ASXL3: variants seen among roughly 807,000 people sequenced by gnomAD.
The protein encoded by ASXL3 is ASXL transcriptional regulator 3, also known as putative Polycomb group protein ASXL3.
Under a neutral mutation model 170.6 loss-of-function variants are expected in ASXL3, and 34 were observed. That is an observed-to-expected ratio of 0.20 (90% CI 0.15 to 0.27). The LOEUF is 0.27. Among genes scored for constraint, ASXL3 ranks in the 10% least tolerant of loss-of-function variants. The probability of loss-of-function intolerance (pLI) is 1.00; values close to 1 mark genes in which losing one functional copy is unlikely to be tolerated. For synonymous variants in ASXL3, 1,002 were observed against 989.1 expected (o/e 1.01, Z -0.24); for missense variants, 2,592 against 2,695.3 (o/e 0.96, Z 0.85).
chr18:33,604,179 A>G (rs2065218272), intron 1 of ASXL3, among the ~76,000 whole-genome samples: 1 of 152,088 alleles, frequency 6.6e-6, no homozygotes, highest in Non-Finnish European at 1.5e-5. Context: ...TTTGTAGAAA[A>G]CATGATTGTA....
chr18:33,608,289 A>G (rs2065280222), intron 2 of ASXL3, among the ~76,000 whole-genome samples: 1 of 151,914 alleles, frequency 6.6e-6, no homozygotes, highest in African/African-American at 2.4e-5. Flanking sequence ...CCATATCCCA[A>G]CTACTCTTGC....
rs778476728 is a variant in ASXL3, at chr18:33,743,064, AGCTGCTGCTGTG to A, written c.3225_3236del (p.Val1076_Ala1079del). On this transcript the variant is annotated inframe_deletion, in exon 12 of 12. Coordinates refer to ENST00000269197, the MANE Select transcript of ASXL3 (RefSeq NM_030632.3). ...CTCGGGCCCAGCGAGAGGCTGCTGCAGCTGCTGCTGTGGCTGCTGCAGCGAGCATTGTCTCTG... is the reference window on the plus strand; with the variant it reads ...CTCGGGCCCAGCGAGAGGCTGCTGCAGCTGCTGCAGCGAGCATTGTCTCTG... 1 of 1,613,382 alleles carries A rather than the reference AGCTGCTGCTGTG, an allele frequency of 6.2e-7. No individual in the cohort carries two copies. The highest frequency in any genetic ancestry group is 8.5e-7 in the Non-Finnish European group (1 of 1,179,752).
intron 2 of ASXL3, among the ~76,000 whole-genome samples, chr18:33,611,906 C>T (rs923056841): frequency 6.6e-5 from 10 of 151,828 alleles, no homozygotes; most frequent in Non-Finnish European, 7.4e-5. Context: ...TTTTTTGATG[C>T]CATGTCTTAC....
chr18:33,584,890 GTGTA>G (rs2065023413), intron 1 of ASXL3, among the ~76,000 whole-genome samples: 1 of 150,566 alleles, frequency 6.6e-6, no homozygotes, highest in African/African-American at 2.4e-5. Flanking sequence ...ATGTGTGTGT[GTGTA>G]TGTGTGTCTG....
Position 33,615,858 on chromosome 18 carries a change from G to A in ASXL3, c.137+8182G>A, listed in dbSNP as rs1393472999. Among the ~76,000 whole-genome samples, 5 of 152,144 alleles carry A rather than the reference G, an allele frequency of 3.3e-5. No homozygotes were observed. In the East Asian group the frequency reaches 7.7e-4, roughly 24 times the overall value. On this transcript the variant is annotated intron_variant, in intron 2 of 11. Transcript: ENST00000269197. ...AAGCCTACATTACACCTTACATTTA[G>A]ATAAAATTTTGAATTTCTAATCTGG... is the stretch of plus-strand genomic sequence containing the variant.
At chr18:33,585,198 G>C (rs902821782) in intron 1 of ASXL3, among the ~76,000 whole-genome samples, 15 of 151,664 alleles carry the variant, frequency 9.9e-5, no homozygotes, top group African/African-American at 3.4e-4. Context: ...AAGCTCATCA[G>C]TGGCAGATCC....
intron 1 of ASXL3, among the ~76,000 whole-genome samples, chr18:33,603,098 A>G (rs1294527125): frequency 2.0e-5 from 3 of 152,060 alleles, no homozygotes; most frequent in Non-Finnish European, 4.4e-5. Flanking sequence ...TGTAGGGATT[A>G]TTTTTTATTT....
chr18:33,647,108 G>A (rs1283309661), intron 4 of ASXL3, among the ~76,000 whole-genome samples: 2 of 152,060 alleles, frequency 1.3e-5, no homozygotes, highest in Non-Finnish European at 2.9e-5. Context: ...GTCTCTGTCA[G>A]TAGACTCATA....
chr18:33,739,848 C>G lies in ASXL3; in HGVS notation c.2444C>G (p.Ser815Cys), dbSNP rs1423577194. 6.2e-6 allele frequency: 10 copies of G among 1,613,892 alleles called. No individual in the cohort carries two copies. In the African/African-American group the frequency reaches 1.2e-4, roughly 19 times the overall value. The change falls in exon 11 of 12, where the codon TCT (serine) becomes TGT (cysteine). Residue 815 changes from serine (S) to cysteine (C), a missense_variant. Physicochemically the swap from Ser to Cys is moderately radical, Grantham distance 112. Around this residue, in one of 4 missense-constraint regions of ASXL3, gnomAD observed 2,246 missense variants for 2,219.6 expected, o/e 1.01. Transcript: ENST00000269197. ...SNTPEPIIMSSSSIAPEAFPS... is the reference protein window; with the variant it reads ...SNTPEPIIMSCSSIAPEAFPS... The stretch of plus-strand genomic sequence containing the variant: ...ACTCCCGAACCCATCATAATGAGTT[C>G]TTCTTCCATTGCTCCTGAAGCATTT...
intron 8 of ASXL3, among the ~76,000 whole-genome samples, chr18:33,693,521 G>A (rs1025405887): frequency 2.0e-5 from 3 of 152,078 alleles, no homozygotes; most frequent in African/African-American, 7.2e-5. Flanking sequence ...TTTTCCCCTG[G>A]ATGGTAGTGT....
intron 11 of ASXL3, among the ~76,000 whole-genome samples, chr18:33,742,467 G>T (rs966791781): frequency 6.6e-6 from 1 of 151,930 alleles, no homozygotes; most frequent in East Asian, 1.9e-4. Flanking sequence ...TTTTTCTTTG[G>T]GTCAAATTAA....
rs763940428 is a variant in ASXL3 at position 33,578,697 on chromosome 18, C to T, written c.54+12C>T. On this transcript the variant is annotated intron_variant, in intron 1 of 11. Coordinates refer to ENST00000269197, the MANE Select transcript of ASXL3 (RefSeq NM_030632.3). ...AGGCTGCCCGCCTGGTACGTACCGC[C>T]CCCCACACGCCGCCCGCGCCTCCCG... 95 of 1,261,966 alleles carry T rather than the reference C, an allele frequency of 7.5e-5. No individual in the cohort carries two copies. Among genetic ancestry groups the T allele is most frequent in the Non-Finnish European group, 3.7e-5 (36 of 983,150 alleles). 78.2% of individuals were successfully genotyped at this position (1,261,966 alleles called of 1,614,324 possible). A position where few individuals can be genotyped will look rare whatever the true frequency, so the allele number is the denominator to read the frequency against.
chr18:33,602,244 A>G (rs973586185), intron 1 of ASXL3, among the ~76,000 whole-genome samples: 1 of 151,976 alleles, frequency 6.6e-6, no homozygotes, highest in Non-Finnish European at 1.5e-5. Flanking sequence ...CTATGGAAAA[A>G]TTGTCTTCCA....
At position 33,743,170 on chromosome 18, in the gene ASXL3, G is replaced by A; in HGVS notation, c.3322G>A (p.Ala1108Thr). 6.2e-7 allele frequency: 1 copy of A among 1,613,934 alleles called. No homozygotes were observed. The highest frequency in any genetic ancestry group is 8.5e-7 in the Non-Finnish European group (1 of 1,179,884). The change falls in exon 12 of 12, where the codon GCT becomes ACT. Residue 1108 changes from alanine to threonine, a missense_variant. Ala to Thr is a moderately conservative substitution (Grantham distance 58, BLOSUM62 0). This residue lies in a region of ASXL3 where 2,246 missense variants were observed against 2,219.6 expected (regional missense o/e 1.01). Transcript: ENST00000269197. ...TLAHIKEQTK[A>T]KLFAKHQARA... ...GGCACACATCAAAGAGCAGACAAAG[G>A]CTAAGCTCTTTGCAAAGCATCAAGC...
In ASXL3 at chr18:33,738,520, C is replaced by T. The variant is rs117356074; in HGVS notation, c.1116C>T (p.Leu372=). ...LGMSREESVK[L]TTGPNNAGAQ... Reference sequence around the variant, plus strand: ...TGTCAAGAGAGGAATCTGTGAAGCTCACTACTGGACCAAACAACGCTGGAG... The same window carrying T: ...TGTCAAGAGAGGAATCTGTGAAGCTTACTACTGGACCAAACAACGCTGGAG... The change falls in exon 11 of 12, where the codon CTC becomes CTT. Residue 372 remains leucine (L), a synonymous_variant. Transcript: ENST00000269197. 7,655 of 1,612,716 alleles carry T rather than the reference C, an allele frequency of 4.7e-3. 19 individuals are homozygous for T. Among genetic ancestry groups the T allele is most frequent in the Non-Finnish European group, 5.7e-3 (6,745 of 1,179,254 alleles).
chr18:33,620,450 C>T (rs1332664295), intron 2 of ASXL3, among the ~76,000 whole-genome samples: 1 of 152,112 alleles, frequency 6.6e-6, no homozygotes. Context: ...CTCTCCCACT[C>T]TCCCCCACTA....
chr18:33,584,329 G>A (rs11876861), intron 1 of ASXL3, among the ~76,000 whole-genome samples: 1 of 152,064 alleles, frequency 6.6e-6, no homozygotes, highest in African/African-American at 2.4e-5. Flanking sequence ...GGGATTTAAA[G>A]CCATTTTCAT....
At chr18:33,704,525 T>C (rs1353253772) in intron 8 of ASXL3, among the ~76,000 whole-genome samples, 1 of 152,080 alleles carries the variant, frequency 6.6e-6, no homozygotes, top group Non-Finnish European at 1.5e-5. Flanking sequence ...CCCATTTCTT[T>C]GACAGCCATT....
At chr18:33,737,699 G>C (rs2067571765) in intron 10 of ASXL3, among the ~76,000 whole-genome samples, 3 of 152,094 alleles carry the variant, frequency 2.0e-5, no homozygotes, top group Admixed American at 2.0e-4. Context: ...AATATGTTCT[G>C]TTATTCTTTA....
Sources: gnomAD v4.1 joint callset for allele counts (sites outside exome capture counted in the v4.1 genomes callset) on GRCh38, gnomAD v4.1.1 for gene constraint, gnomAD v4.1.1 regional missense constraint, MANE v1.5 for transcripts, NCBI Gene and HGNC (gene_info 2026-07-23, HGNC 2026-07-21) for gene names.